The following RAPGEF2 variants were observed in gnomAD, a reference collection of about 807,000 sequenced individuals.
RAPGEF2 encodes PDZ domain containing guanine nucleotide exchange factor (GEF) 1.
A neutral mutation model predicts 186.7 loss-of-function variants in RAPGEF2; 54 were observed. That is an observed-to-expected ratio of 0.29 (90% CI 0.23 to 0.36). The LOEUF (loss-of-function observed/expected upper bound fraction) is 0.36, where lower values mean the gene tolerates loss of function less well. Among genes scored for constraint, RAPGEF2 ranks in the 10% least tolerant of loss-of-function variants. The pLI is 1.00. For missense variants in RAPGEF2, 1,532 were observed against 2,045.0 expected (o/e 0.75, Z 4.84); for synonymous variants, 712 against 705.9 (o/e 1.01, Z -0.14).
intron 3 of RAPGEF2, among the ~76,000 whole-genome samples, chr4:159,194,610 AAC>A (rs2111319434): frequency 6.6e-6 from 1 of 152,348 alleles, no homozygotes; most frequent in East Asian, 1.9e-4. Flanking sequence ...GACTTTAACA[AAC>A]CTTAAACACA....
Position 159,355,391 on chromosome 4 carries a change from G to A in RAPGEF2, c.4652-462G>A, listed in dbSNP as rs549741162. The stretch of plus-strand genomic sequence containing the variant: ...GTGATGTAGAATTGCTTCTCTGCCT[G>A]GTAAAGATAAATGCCCAGAAAGAGG... On this transcript the variant is annotated intron_variant, in intron 28 of 29. Coordinates refer to ENST00000691494, the MANE Select transcript of RAPGEF2 (RefSeq NM_001394067.2). 2.2e-4 allele frequency among the ~76,000 whole-genome samples: 34 copies of A among 152,232 alleles called. No homozygotes were observed. In the East Asian group the frequency reaches 6.2e-3, roughly 28 times the overall value.
At chr4:159,335,761 G>A (rs992384004) in intron 17 of RAPGEF2, among the ~76,000 whole-genome samples, 4 of 151,398 alleles carry the variant, frequency 2.6e-5, no homozygotes, top group South Asian at 2.1e-4. Flanking sequence ...GCGTGAACCC[G>A]GGAGGCGGAG....
chr4:159,287,757 A>G (rs1760691812), intron 7 of RAPGEF2, among the ~76,000 whole-genome samples: 1 of 152,156 alleles, frequency 6.6e-6, no homozygotes, highest in South Asian at 2.1e-4. Context: ...GAAAATTTGG[A>G]AACTACTCAA....
chr4:159,351,180 A>G, intron 26 of RAPGEF2: 1 of 1,533,912 alleles, frequency 6.5e-7, no homozygotes, highest in Non-Finnish European at 8.7e-7. Flanking sequence ...CCTATGGGAT[A>G]GGTGGGGTTT....
chr4:159,274,873 T>A (rs968566076), intron 7 of RAPGEF2, among the ~76,000 whole-genome samples: 1 of 152,254 alleles, frequency 6.6e-6, no homozygotes, highest in Admixed American at 6.5e-5. Context: ...ATGCAACAAA[T>A]TGCATCATAC....
intron 7 of RAPGEF2, among the ~76,000 whole-genome samples, chr4:159,273,626 G>GTTTCTTTCTTTC (rs57811225): frequency 7.3e-4 from 74 of 100,818 alleles, no homozygotes; most frequent in South Asian, 1.2e-3. Flanking sequence ...TCAGTAATCA[G>GTTTCTTTCTTTC]TTTCTTTCTT....
At chr4:159,202,896 C>G (rs1749597898) in intron 3 of RAPGEF2, among the ~76,000 whole-genome samples, 1 of 152,208 alleles carries the variant, frequency 6.6e-6, no homozygotes, top group Admixed American at 6.5e-5. Flanking sequence ...GCCACTGTGC[C>G]TGGCCTCCAT....
In RAPGEF2 at chr4:159,194,496, A is replaced by T. The variant is rs558444444; in HGVS notation, c.197+1240A>T. On this transcript the variant is annotated intron_variant, in intron 3 of 29. Coordinates refer to ENST00000691494, the MANE Select transcript of RAPGEF2 (RefSeq NM_001394067.2). ...CAAACCCATGGCCAATTGTGTTTTCATTTCTTACTCTCCCCTCCCAGCTCC... is the reference window on the plus strand; with the variant it reads ...CAAACCCATGGCCAATTGTGTTTTCTTTTCTTACTCTCCCCTCCCAGCTCC... 3.3e-5 allele frequency among the ~76,000 whole-genome samples: 5 copies of T among 152,196 alleles called. No individual in the cohort carries two copies. In the South Asian group the frequency reaches 6.2e-4, roughly 19 times the overall value.
At chr4:159,201,896 A>G (rs1441560134) in intron 3 of RAPGEF2, among the ~76,000 whole-genome samples, 1 of 152,120 alleles carries the variant, frequency 6.6e-6, no homozygotes, top group Admixed American at 6.5e-5. Flanking sequence ...TTCTTGTTTT[A>G]TAGGCATGTG....
chr4:159,232,637 G>T lies in RAPGEF2; in HGVS notation c.282-6172G>T, dbSNP rs111925300. ...GAGTCCCTGCTCTCAGTTCTTTTTG[G>T]TATTTATCTAGGGCTAGAATTGCTG... On this transcript the variant is annotated intron_variant, in intron 4 of 29. Coordinates refer to ENST00000691494, the MANE Select transcript of RAPGEF2 (RefSeq NM_001394067.2). Among the ~76,000 whole-genome samples, 745 of 152,136 alleles carry T rather than the reference G, an allele frequency of 4.9e-3. 3 individuals are homozygous for T. Among genetic ancestry groups the T allele is most frequent in the Non-Finnish European group, 8.4e-3 (571 of 68,000 alleles).
chr4:159,257,886 G>A (rs900774794), intron 7 of RAPGEF2, among the ~76,000 whole-genome samples: 2 of 152,138 alleles, frequency 1.3e-5, no homozygotes, highest in African/African-American at 4.8e-5. Flanking sequence ...TTTTTGCTTA[G>A]TATTGTCTTG....
intron 1 of RAPGEF2, among the ~76,000 whole-genome samples, chr4:159,166,697 G>T (rs937327662): frequency 2.0e-5 from 3 of 152,066 alleles, no homozygotes; most frequent in African/African-American, 7.2e-5. Flanking sequence ...TGTCTATATT[G>T]TCTTGTTTAC....
At chr4:159,337,024 C>T (rs946705176) in intron 17 of RAPGEF2, among the ~76,000 whole-genome samples, 3 of 152,150 alleles carry the variant, frequency 2.0e-5, no homozygotes, top group African/African-American at 7.2e-5. Context: ...ACAGTTGACC[C>T]TTCAAATCTA....
chr4:159,314,518 T>C, intron 8 of RAPGEF2, 73 bp from the exon 9 acceptor site: 2 of 1,342,562 alleles, frequency 1.5e-6, no homozygotes, highest in Non-Finnish European at 2.0e-6. Context: ...GAATGAGGCT[T>C]GCTCTTGTTT....
chr4:159,206,433 C>T (rs1579461724), intron 3 of RAPGEF2, among the ~76,000 whole-genome samples: 1 of 152,280 alleles, frequency 6.6e-6, no homozygotes, highest in East Asian at 1.9e-4. Flanking sequence ...CTTCTCTTAA[C>T]CAGCTTCATT....
chr4:159,181,456 A>C (rs72699324), intron 1 of RAPGEF2, among the ~76,000 whole-genome samples: 8,343 of 152,214 alleles, frequency 0.055, 319 homozygotes, highest in Middle Eastern at 0.092. Context: ...AGATAAAATC[A>C]GTTTTAGGCC....
intron 4 of RAPGEF2, among the ~76,000 whole-genome samples, chr4:159,212,860 A>G (rs988036569): frequency 1.3e-5 from 2 of 152,202 alleles, no homozygotes; most frequent in African/African-American, 4.8e-5. Context: ...ACTACCAGCC[A>G]TTATCAAGTA....
chr4:159,159,079 AC>A (rs33928659), intron 1 of RAPGEF2, among the ~76,000 whole-genome samples: 1,579 of 152,360 alleles, frequency 0.01, 30 homozygotes, highest in African/African-American at 0.036. Context: ...CCAGAATCTT[AC>A]AGCAATAAGT....
chr4:159,187,136 T>C (rs1747642094), intron 2 of RAPGEF2, among the ~76,000 whole-genome samples: 1 of 152,240 alleles, frequency 6.6e-6, no homozygotes, highest in Non-Finnish European at 1.5e-5. Flanking sequence ...GGTCCTATAC[T>C]AAGGAGCTTA....
Sources: allele counts gnomAD v4.1 joint callset (sites outside exome capture counted in the v4.1 genomes callset), GRCh38; gene constraint gnomAD v4.1.1; transcripts MANE v1.5; gene names NCBI Gene and HGNC (gene_info 2026-07-23, HGNC 2026-07-21).